ARMH4: variants seen among roughly 807,000 people sequenced by gnomAD.
ARMH4 encodes armadillo like helical domain containing 4.
A neutral mutation model predicts 61.9 loss-of-function variants in ARMH4; 49 were observed. The observed-to-expected ratio is 0.79, with a 90% CI of 0.63 to 1.00. The LOEUF is 1.00. ARMH4 is among the 50% of genes least tolerant of loss of function. ARMH4 has a pLI of 0.00. For synonymous variants in ARMH4, 368 were observed against 341.5 expected, an observed-to-expected ratio of 1.08 and a Z score of -0.85; for missense variants, 934 against 930.0, an observed-to-expected ratio of 1.00 and a Z score of -0.06.
intron 6 of ARMH4, among the ~76,000 whole-genome samples, chr14:58,006,843 G>T (rs1025420592): frequency 2.0e-5 from 3 of 151,844 alleles, no homozygotes; most frequent in African/African-American, 7.3e-5. Flanking sequence ...ACACCAACAT[G>T]GCACATGTAT....
At chr14:58,118,335 T>C (rs186704036) in intron 4 of ARMH4, among the ~76,000 whole-genome samples, 1 of 152,212 alleles carries the variant, frequency 6.6e-6, no homozygotes, top group African/African-American at 2.4e-5. Context: ...GGCATGTACA[T>C]GGTATTAATC....
chr14:58,097,681 ATT>A (rs34512372), intron 4 of ARMH4, among the ~76,000 whole-genome samples: 2,673 of 144,432 alleles, frequency 0.019, 62 homozygotes, highest in African/African-American at 0.056. Flanking sequence ...CGTTTTCTTG[ATT>A]TTTTTTTTTT....
intron 1 of ARMH4, among the ~76,000 whole-genome samples, chr14:58,145,454 C>T (rs1398241623): frequency 1.3e-5 from 2 of 152,138 alleles, no homozygotes; most frequent in East Asian, 3.8e-4. Flanking sequence ...GCTTTATGTG[C>T]TATGTGTATG....
chr14:58,142,020 T>C (rs1242324143), intron 1 of ARMH4, among the ~76,000 whole-genome samples: 2 of 152,212 alleles, frequency 1.3e-5, no homozygotes. Flanking sequence ...ACTAAAACTA[T>C]ATTAAAATTG....
At position 58,002,382 on chromosome 14, in the gene ARMH4, T is replaced by C. The variant is rs1438055173; in HGVS notation, c.*2354A>G. On this transcript the variant is annotated 3_prime_UTR_variant, in exon 8 of 8. Coordinates refer to ENST00000267485, the MANE Select transcript of ARMH4 (RefSeq NM_001001872.4). ...TATAATCTTTTCCTTTAAGAAATCA[T>C]GTGTCCCAAAAAGGACCACAGAGAT... The C allele has an allele frequency of 6.6e-6, 1 of 152,232 alleles. No homozygotes were observed. 9.4% of individuals were successfully genotyped at this position (152,232 alleles called of 1,614,324 possible). A position where few individuals can be genotyped will look rare whatever the true frequency, so the allele number is the denominator to read the frequency against.
Position 58,137,959 on chromosome 14 carries a change from C to A in ARMH4, c.1369+31G>T. On this transcript the variant is annotated intron_variant, in intron 2 of 7. Transcript: ENST00000267485. ...AAAATTGAAAGTTTCCAAATTAAAC[C>A]AAAGTTTGTTTTTCTTTTTCTTTCT... The A allele has an allele frequency of 3.8e-6, 6 of 1,562,558 alleles. No homozygotes were observed. In the South Asian group the frequency reaches 4.8e-5, roughly 13 times the overall value.
chr14:58,062,245 G>A (rs1306437841), intron 5 of ARMH4, among the ~76,000 whole-genome samples: 1 of 152,186 alleles, frequency 6.6e-6, no homozygotes, highest in African/African-American at 2.4e-5. Flanking sequence ...GGAGGCTGAG[G>A]TAGGAGGAAC....
intron 1 of ARMH4, among the ~76,000 whole-genome samples, chr14:58,144,358 G>C (rs1053265526): frequency 4.6e-5 from 7 of 152,054 alleles, no homozygotes; most frequent in African/African-American, 1.7e-4. Context: ...GAGCCCAGGA[G>C]TTTGAGACCA....
chr14:58,079,437 C>A (rs1171098676), intron 5 of ARMH4, among the ~76,000 whole-genome samples: 2 of 152,340 alleles, frequency 1.3e-5, no homozygotes, highest in African/African-American at 4.8e-5. Context: ...AACTAACCCA[C>A]TCCTATGATA....
intron 4 of ARMH4, among the ~76,000 whole-genome samples, chr14:58,110,844 C>T (rs1322637409): frequency 6.6e-6 from 1 of 152,152 alleles, no homozygotes; most frequent in African/African-American, 2.4e-5. Context: ...GCCTCAGCCT[C>T]CCAAGTAGTT....
rs552063274 is a variant in ARMH4, at chr14:58,042,293, A to T, written c.2090-30143T>A. Among the ~76,000 whole-genome samples, 6 of 152,312 alleles carry T rather than the reference A, an allele frequency of 3.9e-5. No homozygotes were observed. In the East Asian group the frequency reaches 7.7e-4, roughly 20 times the overall value. ...TCAAACTAGAACTCAGGATTAAGAA[A>T]CTCACTCAAAACTGCTCAACTACAT... On this transcript the variant is annotated intron_variant, in intron 5 of 7. Coordinates refer to ENST00000267485, the MANE Select transcript of ARMH4 (RefSeq NM_001001872.4).
chr14:58,042,757 G>C (rs566838780), intron 5 of ARMH4, among the ~76,000 whole-genome samples: 59 of 152,216 alleles, frequency 3.9e-4, no homozygotes, highest in African/African-American at 1.4e-3. Context: ...AAATGATAAA[G>C]GGGGTATCAC....
chr14:58,058,661 TG>T (rs908102769), intron 5 of ARMH4, among the ~76,000 whole-genome samples: 1 of 152,184 alleles, frequency 6.6e-6, no homozygotes, highest in Non-Finnish European at 1.5e-5. Flanking sequence ...TAATGAGCAA[TG>T]AGGACAATCA....
chr14:58,039,848 T>C (rs1169097896), intron 5 of ARMH4, among the ~76,000 whole-genome samples: 3 of 152,194 alleles, frequency 2.0e-5, no homozygotes, highest in Admixed American at 2.0e-4. Context: ...CATGTAGAAC[T>C]GCAGCAATGA....
chr14:58,044,321 A>G (rs1342096018), intron 5 of ARMH4, among the ~76,000 whole-genome samples: 1 of 152,122 alleles, frequency 6.6e-6, no homozygotes, highest in Non-Finnish European at 1.5e-5. Context: ...CACATCTACA[A>G]CCACCTGATC....
At chr14:58,023,862 A>G (rs2141151949) in intron 5 of ARMH4, among the ~76,000 whole-genome samples, 1 of 152,344 alleles carries the variant, frequency 6.6e-6, no homozygotes, top group East Asian at 1.9e-4. Flanking sequence ...TTGGGTAACT[A>G]GGTACATTGT....
chr14:58,104,050 A>T (rs987514125), intron 4 of ARMH4, among the ~76,000 whole-genome samples: 8 of 152,190 alleles, frequency 5.3e-5, no homozygotes, highest in African/African-American at 1.7e-4. Flanking sequence ...TAGCCCAACA[A>T]GAAGGCTGCT....
chr14:58,121,929 G>A (rs1243369667), intron 4 of ARMH4, among the ~76,000 whole-genome samples: 1 of 152,170 alleles, frequency 6.6e-6, no homozygotes, highest in Non-Finnish European at 1.5e-5. Context: ...CCATTCAACA[G>A]AACAGGCAAC....
chr14:58,149,628 C>CA (rs1222873950), intron 1 of ARMH4, among the ~76,000 whole-genome samples: 1 of 152,222 alleles, frequency 6.6e-6, no homozygotes, highest in Non-Finnish European at 1.5e-5. Flanking sequence ...CCGTGCTTAT[C>CA]ACCCCTAGCA....
Sources: allele counts gnomAD v4.1 joint callset (sites outside exome capture counted in the v4.1 genomes callset), GRCh38; gene constraint gnomAD v4.1.1; transcripts MANE v1.5; gene names NCBI Gene and HGNC (gene_info 2026-07-23, HGNC 2026-07-21).